Variants in WASF2 observed in about 807,000 individuals in gnomAD.
WASF2 encodes actin-binding protein WASF2.
A neutral mutation model predicts 45.0 loss-of-function variants in WASF2; 14 were observed. That is an observed-to-expected ratio of 0.31 (90% CI 0.21 to 0.49). WASF2 has a LOEUF of 0.49. WASF2 is among the 20% of genes least tolerant of loss of function. The pLI is 0.99. For synonymous variants in WASF2, 200 were observed against 236.3 expected, an observed-to-expected ratio of 0.85 and a Z score of 1.41; for missense variants, 439 against 636.1, an observed-to-expected ratio of 0.69 and a Z score of 3.33.
intron 1 of WASF2, among the ~76,000 whole-genome samples, chr1:27,478,276 A>C (rs964732975): frequency 4.5e-5 from 6 of 133,632 alleles, no homozygotes; most frequent in Non-Finnish European, 8.1e-5. Context: ...ATAGCAAAGC[A>C]AAAAAAAAAA....
In WASF2 at chr1:27,477,471, TG is replaced by T. The variant is rs1328472085; in HGVS notation, c.-44+12514del. Among the ~76,000 whole-genome samples, 5 of 152,246 alleles carry T rather than the reference TG, an allele frequency of 3.3e-5. No homozygotes were observed. The East Asian group carries it at 9.6e-4, about 29-fold the overall frequency. On this transcript the variant is annotated intron_variant, in intron 1 of 8. Transcript: ENST00000618852. ...AGAAGAATCACTTGAACCAGGCAGG[TG>T]GAAGTTGCAGTGAGCAGAGATCATG...
chr1:27,419,168 G>T, intron 2 of WASF2, 80 bp from the exon 3 acceptor site: 1 of 1,537,892 alleles, frequency 6.5e-7, no homozygotes, highest in Non-Finnish European at 8.9e-7. Context: ...TAAAGATCGT[G>T]TTCCCTAACC....
At chr1:27,430,825 A>G (rs2017051827) in intron 1 of WASF2, among the ~76,000 whole-genome samples, 1 of 151,588 alleles carries the variant, frequency 6.6e-6, no homozygotes, top group African/African-American at 2.4e-5. Flanking sequence ...AAAAAAAAAA[A>G]GCAAAACAAG....
intron 1 of WASF2, among the ~76,000 whole-genome samples, chr1:27,487,109 AT>A (rs1197604898): frequency 1.3e-4 from 19 of 145,752 alleles, no homozygotes; most frequent in African/African-American, 4.5e-4. Context: ...ATATAGAGAG[AT>A]TTTTTTTTGA....
At chr1:27,434,018 T>C (rs192442436) in intron 1 of WASF2, among the ~76,000 whole-genome samples, 1 of 152,194 alleles carries the variant, frequency 6.6e-6, no homozygotes, top group East Asian at 1.9e-4. Flanking sequence ...ATCTGCTAAT[T>C]TGGGGATTTG....
chr1:27,460,072 C>T (rs904621212), intron 1 of WASF2, among the ~76,000 whole-genome samples: 1 of 152,140 alleles, frequency 6.6e-6, no homozygotes, highest in Non-Finnish European at 1.5e-5. Context: ...CCTCTAGTAC[C>T]ATACAATAAG....
intron 1 of WASF2, among the ~76,000 whole-genome samples, chr1:27,454,113 A>G (rs1042157382): frequency 2.0e-4 from 28 of 143,534 alleles, no homozygotes; most frequent in African/African-American, 4.7e-4. Flanking sequence ...ATATATGTGT[A>G]TATATATGTG....
In WASF2 at chr1:27,418,390, A is replaced by G; in HGVS notation, c.298T>C (p.Phe100Leu). The G allele has an allele frequency of 6.2e-7, 1 of 1,614,240 alleles. No individual in the cohort carries two copies. Among genetic ancestry groups the G allele is most frequent in the Non-Finnish European group, 8.5e-7 (1 of 1,180,052 alleles). ...TGGTCTTGAATGGTGGAACTTCTGAAGGCTTTTCGGGTGTTGATTCCTTGC... is the reference window on the plus strand; with the variant it reads ...TGGTCTTGAATGGTGGAACTTCTGAGGGCTTTTCGGGTGTTGATTCCTTGC... Reference protein sequence around the residue: ...SLQGINTRKAFRSSTIQDQKL... With the variant: ...SLQGINTRKALRSSTIQDQKL... Residue 100 changes from phenylalanine to leucine, a missense_variant, in exon 4 of 9, where the codon TTC becomes CTC. Physicochemically the swap from Phe to Leu is conservative, Grantham distance 22 (BLOSUM62 0). This residue lies in a region of WASF2 where 98 missense variants were observed against 120.7 expected (regional missense o/e 0.81). Coordinates refer to ENST00000618852, the MANE Select transcript of WASF2 (RefSeq NM_006990.5).
intron 8 of WASF2, among the ~76,000 whole-genome samples, chr1:27,408,844 AGAG>A (rs1373481754): frequency 3.3e-5 from 5 of 152,034 alleles, no homozygotes; most frequent in Non-Finnish European, 7.4e-5. Flanking sequence ...AGGGGAGGGA[AGAG>A]GAGAAAAGAG....
intron 4 of WASF2, 61 bp from the exon 5 acceptor site, chr1:27,416,163 A>G (rs2016823918): frequency 2.8e-6 from 4 of 1,437,192 alleles, no homozygotes; most frequent in South Asian, 1.2e-5. Context: ...ACCAAATCCA[A>G]TATTCCAAAC....
At chr1:27,475,593 A>G (rs535017063) in intron 1 of WASF2, among the ~76,000 whole-genome samples, 41 of 152,186 alleles carry the variant, frequency 2.7e-4, no homozygotes, top group Admixed American at 4.6e-4. Flanking sequence ...ATTTTCTAAC[A>G]TACATCACAA....
intron 1 of WASF2, among the ~76,000 whole-genome samples, chr1:27,478,901 G>T (rs972473615): frequency 6.6e-6 from 1 of 151,960 alleles, no homozygotes; most frequent in South Asian, 2.1e-4. Context: ...TCTATTTCTT[G>T]ATGTGGGTGT....
At chr1:27,483,310 A>G (rs1305557873) in intron 1 of WASF2, among the ~76,000 whole-genome samples, 1 of 152,106 alleles carries the variant, frequency 6.6e-6, no homozygotes, top group Non-Finnish European at 1.5e-5. Context: ...TCTCTACTAA[A>G]AATGCAAAAA....
chr1:27,412,799 T>C, intron 6 of WASF2, 72 bp from the exon 7 acceptor site: 1 of 1,558,460 alleles, frequency 6.4e-7, no homozygotes, highest in Non-Finnish European at 8.8e-7. Context: ...TAAAAGGTAC[T>C]ACAAAAATGC....
intron 5 of WASF2, among the ~76,000 whole-genome samples, chr1:27,415,618 C>T (rs1478199322): frequency 6.6e-6 from 1 of 151,924 alleles, no homozygotes; most frequent in Non-Finnish European, 1.5e-5. Context: ...CACTGCAGAA[C>T]CTTGTGCTGA....
At position 27,418,961 on chromosome 1, in the gene WASF2, T is replaced by C; in HGVS notation, c.258A>G (p.Glu86=). 1 of 1,613,830 alleles carries C rather than the reference T, an allele frequency of 6.2e-7. No individual in the cohort carries two copies. Among genetic ancestry groups the C allele is most frequent in the Non-Finnish European group, 8.5e-7 (1 of 1,179,822 alleles). Residue 86 remains glutamate (E), a synonymous_variant, in exon 3 of 9, where the codon GAA becomes GAG. Transcript: ENST00000618852. ...QVKVTQLDPK[E]EEVSLQGINT... is the part of the protein sequence containing the mutation. ...TGAGCTCAGCTTTCTTACCTTCTTC[T>C]TCCTTGGGATCCAGCTGAGTGACTT...
rs2016704428 is a variant in WASF2, at chr1:27,408,099, C to A, written c.*90G>T. On this transcript the variant is annotated 3_prime_UTR_variant, in exon 9 of 9. Transcript: ENST00000618852. ...CCCCTTAAAATTACTTTTTTCCTCCCTTTTCTCCCCCTACGGGTCTGTTGG... is the reference window on the plus strand; with the variant it reads ...CCCCTTAAAATTACTTTTTTCCTCCATTTTCTCCCCCTACGGGTCTGTTGG... The A allele has an allele frequency of 2.0e-6, 3 of 1,482,352 alleles. No individual in the cohort carries two copies. The South Asian group carries it at 4.1e-5, about 20-fold the overall frequency. 91.8% of individuals were successfully genotyped at this position (1,482,352 alleles called of 1,614,324 possible).
rs12568011 is a variant in WASF2, at chr1:27,487,170, G to A, written c.-44+2816C>T. ...TGCTGGAGTGCAGTGGTGCGATCTC[G>A]GTTCACTGCAAACTCCGCCTCCCGG... On this transcript the variant is annotated intron_variant, in intron 1 of 8. Coordinates refer to ENST00000618852, the MANE Select transcript of WASF2 (RefSeq NM_006990.5). Among the ~76,000 whole-genome samples, 42 of 146,022 alleles carry A rather than the reference G, an allele frequency of 2.9e-4. 1 individual carries two copies. Among genetic ancestry groups the A allele is most frequent in the Middle Eastern group, 3.3e-3 (1 of 302 alleles).
chr1:27,417,068 C>T (rs2016837272), intron 4 of WASF2, among the ~76,000 whole-genome samples: 1 of 152,192 alleles, frequency 6.6e-6, no homozygotes, highest in Admixed American at 6.5e-5. Context: ...TACACCACCA[C>T]TCATTTCTGT....
Sources: allele counts gnomAD v4.1 joint callset (sites outside exome capture counted in the v4.1 genomes callset), GRCh38; gene constraint gnomAD v4.1.1; regional missense constraint gnomAD v4.1.1; transcripts MANE v1.5; gene names NCBI Gene and HGNC (gene_info 2026-07-23, HGNC 2026-07-21).